The following PLEKHA8 variants were observed in gnomAD, a reference collection of about 807,000 sequenced individuals.
PLEKHA8 encodes the protein pleckstrin homology domain containing A8.
In PLEKHA8, 36 loss-of-function variants were observed where a neutral mutation model predicts 68.2. That is an observed-to-expected ratio of 0.53 (90% CI 0.40 to 0.70). The LOEUF (loss-of-function observed/expected upper bound fraction) is 0.70, where lower values mean the gene tolerates loss of function less well. Among genes scored for constraint, PLEKHA8 ranks in the 30% least tolerant of loss-of-function variants. The pLI is 0.00. For missense variants in PLEKHA8, 505 were observed against 615.4 expected, an observed-to-expected ratio of 0.82 and a Z score of 1.90; for synonymous variants, 211 against 216.1, an observed-to-expected ratio of 0.98 and a Z score of 0.20.
Position 30,104,025 on chromosome 7 carries a change from T to A in PLEKHA8, c.1363-25241T>A, listed in dbSNP as rs370975570. Among the ~76,000 whole-genome samples, 9 of 152,242 alleles carry A rather than the reference T, an allele frequency of 5.9e-5. No individual in the cohort carries two copies. In the East Asian group the frequency reaches 1.5e-3, roughly 26 times the overall value. On this transcript the variant is annotated intron_variant, in intron 13 of 13. Transcript: ENST00000396257. ...ATAATAAAAAGACCAAAACAAATTA[T>A]TTAAAAAATGCACAATGACTTGAAC...
chr7:30,048,789 G>A lies in PLEKHA8; in HGVS notation c.439-435G>A, dbSNP rs184128616. 1.0e-3 allele frequency among the ~76,000 whole-genome samples: 153 copies of A among 152,138 alleles called. 1 individual carries two copies. The highest frequency in any genetic ancestry group is 3.5e-3 in the African/African-American group (146 of 41,492). On this transcript the variant is annotated intron_variant, in intron 4 of 13. Coordinates refer to ENST00000449726, the MANE Select transcript of PLEKHA8 (RefSeq NM_001197026.2). ...ACCCACTTGCATTCACTTCCTTTTGGGTGCTCTTACTCATTCAGCAGCTGC... is the reference window on the plus strand; with the variant it reads ...ACCCACTTGCATTCACTTCCTTTTGAGTGCTCTTACTCATTCAGCAGCTGC...
chr7:30,103,930 A>G (rs1032240216), intron 13 of PLEKHA8, among the ~76,000 whole-genome samples: 2 of 152,346 alleles, frequency 1.3e-5, no homozygotes, highest in Admixed American at 6.5e-5. Context: ...CAAGCCATAG[A>G]TGAGAGACAG....
intron 7 of PLEKHA8, 123 bp downstream of exon 7, chr7:30,052,989 A>G (rs563653556): frequency 6.7e-5 from 50 of 746,818 alleles, no homozygotes; most frequent in African/African-American, 5.8e-4. Flanking sequence ...TAAGGAGGAT[A>G]TTGGCTGGGT....
chr7:30,081,484 A>G lies in PLEKHA8; in HGVS notation c.*2697A>G. On this transcript the variant is annotated 3_prime_UTR_variant, in exon 14 of 14. Coordinates refer to ENST00000449726, the MANE Select transcript of PLEKHA8 (RefSeq NM_001197026.2). ...TTTGCTCTCTGTTTTAGTTAAAGTC[A>G]TAATTTGCGCTGATGTGTAATCACT... The G allele has an allele frequency of 5.1e-6, 5 of 985,316 alleles. No homozygotes were observed. The highest frequency in any genetic ancestry group is 6.0e-6 in the Non-Finnish European group (5 of 829,792). 61.0% of individuals were successfully genotyped at this position (985,316 alleles called of 1,614,324 possible).
intron 7 of PLEKHA8, 134 bp from the exon 8 acceptor site, chr7:30,054,575 A>G (rs73305153): frequency 5.1e-4 from 267 of 519,006 alleles, no homozygotes; most frequent in African/African-American, 4.9e-3. Flanking sequence ...ATGTATGTTT[A>G]TGTATATGTG....
At position 30,096,966 on chromosome 7, in the gene PLEKHA8, A is replaced by G. The variant is rs563741999; in HGVS notation, c.1362+22834A>G. The stretch of plus-strand genomic sequence containing the variant: ...CATGTTGGTACCGGTGGCTGGTACC[A>G]GTTGTTCCTTTCCATGTTTAGTGCT... On this transcript the variant is annotated intron_variant, in intron 13 of 13. Coordinates refer to the PLEKHA8 transcript ENST00000396257. Among the ~76,000 whole-genome samples, 183 of 152,250 alleles carry G rather than the reference A, an allele frequency of 1.2e-3. 1 individual carries two copies. The highest frequency in any genetic ancestry group is 4.3e-3 in the African/African-American group (177 of 41,536).
At position 30,081,297 on chromosome 7, in the gene PLEKHA8, A is replaced by G. The variant is rs1462155112; in HGVS notation, c.*2510A>G. ...CACTGGAGCATATTACGTTTGCCTA[A>G]GATGTATAAAAGTTTGTTTAAGATG... On this transcript the variant is annotated 3_prime_UTR_variant, in exon 14 of 14. Coordinates refer to ENST00000449726, the MANE Select transcript of PLEKHA8 (RefSeq NM_001197026.2). 14 of 985,312 alleles carry G rather than the reference A, an allele frequency of 1.4e-5. No homozygotes were observed. The highest frequency in any genetic ancestry group is 1.7e-5 in the Non-Finnish European group (14 of 829,852). 61.0% of individuals were successfully genotyped at this position (985,312 alleles called of 1,614,324 possible).
intron 13 of PLEKHA8, among the ~76,000 whole-genome samples, chr7:30,127,570 T>C (rs1796796597): frequency 6.6e-6 from 1 of 152,150 alleles, no homozygotes; most frequent in African/African-American, 2.4e-5. Context: ...TAGGGAAAAA[T>C]TGTGAAAGAC....
At chr7:30,107,878 G>A (rs1476627505) in intron 13 of PLEKHA8, among the ~76,000 whole-genome samples, 1 of 152,056 alleles carries the variant, frequency 6.6e-6, no homozygotes, top group East Asian at 1.9e-4. Context: ...AGACCAGCCT[G>A]ACCAACATGG....
chr7:30,059,623 G>A (rs1321042130), intron 9 of PLEKHA8, among the ~76,000 whole-genome samples: 1 of 145,352 alleles, frequency 6.9e-6, no homozygotes, highest in Non-Finnish European at 1.5e-5. Flanking sequence ...TGGCCTCTTA[G>A]CTACCTATCT....
chr7:30,059,756 G>T (rs1193410542), intron 9 of PLEKHA8, among the ~76,000 whole-genome samples: 2 of 144,184 alleles, frequency 1.4e-5, no homozygotes, highest in Non-Finnish European at 1.5e-5. Context: ...CATTGTTCTT[G>T]CCCAACAGAA....
At chr7:30,115,816 GTA>G (rs1796463443) in intron 13 of PLEKHA8, 1 of 135,432 alleles carries the variant, frequency 7.4e-6, no homozygotes, top group South Asian at 2.2e-4. Context: ...ACGCATGCAT[GTA>G]TACATGCGTG....
intron 9 of PLEKHA8, among the ~76,000 whole-genome samples, chr7:30,056,908 A>C (rs1440193599): frequency 6.8e-6 from 1 of 147,274 alleles, no homozygotes; most frequent in Non-Finnish European, 1.5e-5. Context: ...ATATCTAACA[A>C]ATACATAATT....
In PLEKHA8 at chr7:30,079,679, G is replaced by C. The variant is rs1192676278; in HGVS notation, c.*892G>C. The C allele has an allele frequency of 6.5e-6, 3 of 460,764 alleles. No individual in the cohort carries two copies. The highest frequency in any genetic ancestry group is 8.6e-6 in the Non-Finnish European group (3 of 350,556). 28.5% of individuals were successfully genotyped at this position (460,764 alleles called of 1,614,324 possible). A position where few individuals can be genotyped will look rare whatever the true frequency, so the allele number is the denominator to read the frequency against. On this transcript the variant is annotated 3_prime_UTR_variant, in exon 14 of 14. Transcript: ENST00000449726. ...CCAGATAATTTCCAAGTGTGACCTG[G>C]ACTGCCTCTGCATCAAAGTCATATG...
intron 13 of PLEKHA8, among the ~76,000 whole-genome samples, chr7:30,119,800 T>G (rs1796665695): frequency 6.6e-6 from 1 of 152,258 alleles, no homozygotes. Flanking sequence ...CTGCTTCATG[T>G]TGAGGTGTGA....
downstream of PLEKHA8, among the ~76,000 whole-genome samples, chr7:30,093,407 T>C (rs1047920060): frequency 2.0e-5 from 3 of 152,174 alleles, no homozygotes; most frequent in African/African-American, 7.2e-5. Context: ...AGAAAGCACA[T>C]GAGTGGTAGG....
intron 13 of PLEKHA8, among the ~76,000 whole-genome samples, chr7:30,112,925 T>C (rs1796318535): frequency 6.6e-6 from 1 of 151,890 alleles, no homozygotes; most frequent in Admixed American, 6.6e-5. Context: ...AATTAACATA[T>C]ATGCTTGACT....
intron 7 of PLEKHA8, 96 bp from the exon 8 acceptor site, chr7:30,054,613 A>G (rs1046036088): frequency 1.7e-5 from 14 of 812,822 alleles, no homozygotes; most frequent in African/African-American, 3.6e-5. Flanking sequence ...TTTTATTTCT[A>G]TGTATTTTTC....
chr7:30,065,296 G>GATTT (rs1793756777), intron 12 of PLEKHA8, among the ~76,000 whole-genome samples: 1 of 152,144 alleles, frequency 6.6e-6, no homozygotes, highest in Non-Finnish European at 1.5e-5. Flanking sequence ...TTATTTCAAA[G>GATTT]AAGGTGTTTA....
Sources: allele counts gnomAD v4.1 joint callset (sites outside exome capture counted in the v4.1 genomes callset), GRCh38; gene constraint gnomAD v4.1.1; transcripts MANE v1.5; gene names NCBI Gene and HGNC (gene_info 2026-07-23, HGNC 2026-07-21).